SLC16A9: variants seen among roughly 807,000 people sequenced by gnomAD.
SLC16A9 encodes the protein solute carrier family 16 member 9, also known as monocarboxylate transporter 9.
In SLC16A9, 26 loss-of-function variants were observed where a neutral mutation model predicts 44.3. That is an observed-to-expected ratio of 0.59 (90% CI 0.43 to 0.81). The LOEUF (loss-of-function observed/expected upper bound fraction) is 0.81, where lower values mean the gene tolerates loss of function less well. Ranked by LOEUF, SLC16A9 falls within the 40% of genes least tolerant of loss-of-function variation. The pLI, the probability that SLC16A9 is intolerant of heterozygous loss-of-function variation, is 0.00. For missense variants in SLC16A9, 559 were observed against 595.8 expected (o/e 0.94, Z 0.64); for synonymous variants, 230 against 225.1 (o/e 1.02, Z -0.19).
At chr10:59,683,155 T>A (rs926900555) in intron 2 of SLC16A9, among the ~76,000 whole-genome samples, 1 of 152,182 alleles carries the variant, frequency 6.6e-6, no homozygotes, top group South Asian at 2.1e-4. Context: ...AGAATAGAGA[T>A]TGTGATTTGC....
chr10:59,660,635 CCT>C (rs1486240570), intron 4 of SLC16A9, among the ~76,000 whole-genome samples: 1 of 152,168 alleles, frequency 6.6e-6, no homozygotes, highest in Non-Finnish European at 1.5e-5. Context: ...AACAGGGACT[CCT>C]CCCTAACTCA....
At chr10:59,684,501 A>G (rs1840091471) in intron 1 of SLC16A9, among the ~76,000 whole-genome samples, 174 bp from the exon 2 acceptor site, 1 of 152,162 alleles carries the variant, frequency 6.6e-6, no homozygotes. Flanking sequence ...TTGCATTTAT[A>G]ATTTGAATAA....
intron 1 of SLC16A9, among the ~76,000 whole-genome samples, chr10:59,702,400 C>T (rs928574215): frequency 6.6e-6 from 1 of 152,058 alleles, no homozygotes; most frequent in East Asian, 1.9e-4. Context: ...TTAACATACT[C>T]GCTGATGTGA....
At chr10:59,656,461 C>G (rs781117905) in intron 4 of SLC16A9, among the ~76,000 whole-genome samples, 2 of 152,200 alleles carry the variant, frequency 1.3e-5, no homozygotes, top group African/African-American at 2.4e-5. Context: ...TGATGAAAAT[C>G]AATTCAACAG....
At chr10:59,681,230 G>T (rs891844301) in intron 2 of SLC16A9, among the ~76,000 whole-genome samples, 2 of 151,888 alleles carry the variant, frequency 1.3e-5, no homozygotes, top group African/African-American at 4.8e-5. Context: ...TCATAAAGCT[G>T]ATGGTCAGTG....
intron 4 of SLC16A9, among the ~76,000 whole-genome samples, chr10:59,658,332 C>T (rs1333453234): frequency 6.8e-6 from 1 of 147,128 alleles, no homozygotes; most frequent in African/African-American, 2.5e-5. Flanking sequence ...CCACCTGAGA[C>T]AGACTCTCAT....
intron 4 of SLC16A9, among the ~76,000 whole-genome samples, 199 bp from the exon 5 acceptor site, chr10:59,654,788 A>T (rs1357174832): frequency 5.3e-5 from 8 of 152,244 alleles, no homozygotes. Flanking sequence ...TAGAATTTGC[A>T]GCTCAGACAC....
chr10:59,659,430 G>A (rs566393422), intron 4 of SLC16A9, among the ~76,000 whole-genome samples: 5 of 152,136 alleles, frequency 3.3e-5, no homozygotes, highest in African/African-American at 7.2e-5. Flanking sequence ...ATTATATAAT[G>A]GTAAAGGGAT....
intron 1 of SLC16A9, among the ~76,000 whole-genome samples, chr10:59,691,181 C>T (rs570742340): frequency 1.3e-5 from 2 of 152,180 alleles, no homozygotes; most frequent in Admixed American, 6.5e-5. Context: ...ATACATTCAA[C>T]GTTTTGGAGT....
chr10:59,678,978 CAT>C (rs1179074104), intron 2 of SLC16A9, among the ~76,000 whole-genome samples: 2 of 152,138 alleles, frequency 1.3e-5, no homozygotes, highest in African/African-American at 4.8e-5. Flanking sequence ...TGCCAGCACT[CAT>C]AACTCATTCA....
chr10:59,695,605 C>T (rs1254317972), intron 1 of SLC16A9, among the ~76,000 whole-genome samples: 1 of 149,540 alleles, frequency 6.7e-6, no homozygotes, highest in Non-Finnish European at 1.5e-5. Flanking sequence ...CCCACCTATA[C>T]CTACACCCAA....
intron 1 of SLC16A9, among the ~76,000 whole-genome samples, chr10:59,692,113 T>C (rs1275835434): frequency 6.6e-6 from 1 of 152,216 alleles, no homozygotes; most frequent in Non-Finnish European, 1.5e-5. Context: ...CATTTTTATT[T>C]GAATCTCAAT....
intron 2 of SLC16A9, among the ~76,000 whole-genome samples, chr10:59,677,762 C>T (rs961316352): frequency 6.6e-5 from 10 of 151,756 alleles, no homozygotes; most frequent in African/African-American, 2.2e-4. Context: ...AGAAACATAA[C>T]GTGATTTTTC....
chr10:59,662,415 T>C (rs1250763568), intron 4 of SLC16A9, among the ~76,000 whole-genome samples: 1 of 151,700 alleles, frequency 6.6e-6, no homozygotes, highest in African/African-American at 2.4e-5. Context: ...GGCAGGCAGA[T>C]CACAAGGTCA....
At chr10:59,660,955 C>G (rs1175061550) in intron 4 of SLC16A9, among the ~76,000 whole-genome samples, 3 of 152,124 alleles carry the variant, frequency 2.0e-5, no homozygotes, top group South Asian at 2.1e-4. Flanking sequence ...ATTCAACACC[C>G]CTTCATGCTA....
At chr10:59,660,754 A>G (rs568418313) in intron 4 of SLC16A9, among the ~76,000 whole-genome samples, 2 of 152,356 alleles carry the variant, frequency 1.3e-5, no homozygotes, top group African/African-American at 4.8e-5. Flanking sequence ...AATTTCCTCA[A>G]TAAAATACTG....
At chr10:59,683,570 G>A (rs1368533896) in intron 2 of SLC16A9, among the ~76,000 whole-genome samples, 1 of 152,104 alleles carries the variant, frequency 6.6e-6, no homozygotes, top group Non-Finnish European at 1.5e-5. Context: ...CTTTTTCTTG[G>A]GAAGTTCTCA....
chr10:59,697,003 G>T (rs1840403493), intron 1 of SLC16A9, among the ~76,000 whole-genome samples: 1 of 101,658 alleles, frequency 9.8e-6, no homozygotes, highest in Non-Finnish European at 2.1e-5. Flanking sequence ...CCCCCGCCCG[G>T]CCAGCCGCCC....
chr10:59,660,072 A>G (rs888644451), intron 4 of SLC16A9, among the ~76,000 whole-genome samples: 3 of 152,196 alleles, frequency 2.0e-5, no homozygotes, highest in Admixed American at 6.5e-5. Flanking sequence ...TCAACATCCT[A>G]ACATCTCAAT....
Sources: allele counts gnomAD v4.1 joint callset (sites outside exome capture counted in the v4.1 genomes callset), GRCh38; gene constraint gnomAD v4.1.1; transcripts MANE v1.5; gene names NCBI Gene and HGNC (gene_info 2026-07-23, HGNC 2026-07-21).